Variants in DCLK1 observed in about 807,000 individuals in gnomAD.
DCLK1 encodes doublecortin like kinase 1.
Under a neutral mutation model 86.2 loss-of-function variants are expected in DCLK1, and 16 were observed. The ratio of observed to expected loss-of-function variants is 0.19; its 90% CI spans 0.13 to 0.28. DCLK1 has a LOEUF of 0.28. Ranked by LOEUF, DCLK1 falls within the 10% of genes least tolerant of loss-of-function variation. DCLK1 has a pLI of 1.00. For synonymous variants in DCLK1, 369 were observed against 370.5 expected, an observed-to-expected ratio of 1.00 and a Z score of 0.05; for missense variants, 590 against 940.2, an observed-to-expected ratio of 0.63 and a Z score of 4.87.
intron 5 of DCLK1, among the ~76,000 whole-genome samples, chr13:35,856,437 T>C (rs548339477): frequency 7.2e-5 from 11 of 152,314 alleles, no homozygotes; most frequent in South Asian, 4.1e-4. Flanking sequence ...ATATTTTCTT[T>C]ACCCACCCGC....
intron 4 of DCLK1, 63 bp downstream of exon 4, chr13:35,947,295 G>A (rs1012676611): frequency 1.5e-6 from 2 of 1,295,700 alleles, no homozygotes; most frequent in South Asian, 2.5e-5. Context: ...TCTTGGCCTG[G>A]TGCAGCTCAT....
chr13:36,061,890 G>A (rs747343949), intron 3 of DCLK1, among the ~76,000 whole-genome samples: 10 of 152,160 alleles, frequency 6.6e-5, no homozygotes, highest in Non-Finnish European at 8.8e-5. Context: ...CACCATCAAT[G>A]TGTTGTTTTT....
chr13:35,955,899 C>G (rs1490225820), intron 3 of DCLK1, among the ~76,000 whole-genome samples: 1 of 152,054 alleles, frequency 6.6e-6, no homozygotes, highest in Non-Finnish European at 1.5e-5. Flanking sequence ...TGATTTGGGG[C>G]TATTATTTAA....
intron 4 of DCLK1, among the ~76,000 whole-genome samples, chr13:35,916,420 C>T (rs914119062): frequency 6.6e-6 from 1 of 152,160 alleles, no homozygotes; most frequent in African/African-American, 2.4e-5. Flanking sequence ...CTGCCTCTCC[C>T]TCCTCTGCCC....
chr13:35,991,704 C>T lies in DCLK1; in HGVS notation c.724-44247G>A, dbSNP rs1351183940. On this transcript the variant is annotated intron_variant, in intron 3 of 16. Coordinates refer to ENST00000360631, the MANE Select transcript of DCLK1 (RefSeq NM_001330071.2). Reference sequence around the variant, plus strand: ...AACTTGTATTAAGTAAATTTGCATGCTTTTCTCTCATTAAACTATCTCTTG... The same window carrying T: ...AACTTGTATTAAGTAAATTTGCATGTTTTTCTCTCATTAAACTATCTCTTG... Among the ~76,000 whole-genome samples, 3 of 152,240 alleles carry T rather than the reference C, an allele frequency of 2.0e-5. No homozygotes were observed. The East Asian group carries it at 5.8e-4, about 29-fold the overall frequency.
At chr13:36,049,873 A>G (rs1371379378) in intron 3 of DCLK1, among the ~76,000 whole-genome samples, 1 of 152,208 alleles carries the variant, frequency 6.6e-6, no homozygotes, top group Non-Finnish European at 1.5e-5. Context: ...CATTCAATAC[A>G]AATATGACTG....
intron 6 of DCLK1, among the ~76,000 whole-genome samples, chr13:35,851,974 C>T (rs568421962): frequency 8.7e-5 from 13 of 149,960 alleles, no homozygotes; most frequent in African/African-American, 2.7e-4. Context: ...GGGCAAGGCG[C>T]GCGTGTGTGC....
At chr13:35,945,605 A>G (rs931924419) in intron 4 of DCLK1, among the ~76,000 whole-genome samples, 8 of 152,220 alleles carry the variant, frequency 5.3e-5, no homozygotes, top group Admixed American at 3.9e-4. Context: ...CTGCCAAACC[A>G]TTCTATCACA....
At chr13:35,998,441 G>C (rs61948274) in intron 3 of DCLK1, among the ~76,000 whole-genome samples, 54,911 of 151,860 alleles carry the variant, frequency 0.36, 11,063 homozygotes, top group Non-Finnish European at 0.44. Flanking sequence ...ACAGCCATAC[G>C]AATAGCTCTT....
At chr13:35,959,782 G>A (rs997162966) in intron 3 of DCLK1, among the ~76,000 whole-genome samples, 5 of 151,862 alleles carry the variant, frequency 3.3e-5, no homozygotes, top group Non-Finnish European at 7.4e-5. Context: ...AATTTCCAAA[G>A]GCAGGGTAGG....
At chr13:35,866,859 A>G (rs10507435) in intron 5 of DCLK1, among the ~76,000 whole-genome samples, 40,042 of 152,134 alleles carry the variant, frequency 0.26, 5,358 homozygotes, top group Admixed American at 0.34. Flanking sequence ...GATGTAATCC[A>G]TATAGAGACA....
At chr13:35,900,286 G>A (rs986793515) in intron 4 of DCLK1, among the ~76,000 whole-genome samples, 9 of 150,944 alleles carry the variant, frequency 6.0e-5, no homozygotes, top group Non-Finnish European at 1.2e-4. Flanking sequence ...TGTTGCCCAG[G>A]CTGGAGTGCA....
At chr13:36,005,468 T>C (rs1010556872) in intron 3 of DCLK1, among the ~76,000 whole-genome samples, 1 of 152,214 alleles carries the variant, frequency 6.6e-6, no homozygotes, top group South Asian at 2.1e-4. Flanking sequence ...AAGGCATATG[T>C]CAAACTATTA....
intron 3 of DCLK1, among the ~76,000 whole-genome samples, chr13:35,977,160 A>G (rs1593786254): frequency 6.6e-6 from 1 of 152,192 alleles, no homozygotes; most frequent in African/African-American, 2.4e-5. Context: ...GATAAATTCA[A>G]ATTTTATCAA....
chr13:35,842,992 A>C (rs1258821430), intron 6 of DCLK1, among the ~76,000 whole-genome samples: 2 of 152,214 alleles, frequency 1.3e-5, no homozygotes, highest in African/African-American at 2.4e-5. Flanking sequence ...TTTCGAACAT[A>C]GTAAAGGCAA....
chr13:35,938,726 G>A (rs1264024807), intron 4 of DCLK1, among the ~76,000 whole-genome samples: 2 of 152,090 alleles, frequency 1.3e-5, no homozygotes, highest in African/African-American at 4.8e-5. Flanking sequence ...AGAAGCAACT[G>A]TTGGATGCTG....
intron 4 of DCLK1, among the ~76,000 whole-genome samples, chr13:35,909,595 ATATGTGTGTGTGTGTGTG>A (rs1874883497): frequency 9.7e-6 from 1 of 102,886 alleles, no homozygotes; most frequent in Non-Finnish European, 2.0e-5. Flanking sequence ...TGCTGTGTGC[ATATGTGTGTGTGTGTGTG>A]TGTGTGTGTG....
chr13:35,919,689 G>C (rs181125765), intron 4 of DCLK1, among the ~76,000 whole-genome samples: 2 of 152,078 alleles, frequency 1.3e-5, no homozygotes, highest in East Asian at 3.9e-4. Context: ...GGCTGGGAGC[G>C]GTGGCTCATG....
chr13:35,976,041 C>T (rs1879312012), intron 3 of DCLK1, among the ~76,000 whole-genome samples: 1 of 152,206 alleles, frequency 6.6e-6, no homozygotes, highest in Non-Finnish European at 1.5e-5. Flanking sequence ...GGGAGCCAGT[C>T]CTCTAGGGAA....
Sources: allele counts gnomAD v4.1 joint callset (sites outside exome capture counted in the v4.1 genomes callset), GRCh38; gene constraint gnomAD v4.1.1; transcripts MANE v1.5; gene names NCBI Gene and HGNC (gene_info 2026-07-23, HGNC 2026-07-21).